The following RAPGEF3 variants were observed in gnomAD, a reference collection of about 807,000 sequenced individuals.
RAPGEF3 encodes Rap guanine nucleotide exchange factor 3, also known as 9330170P05Rik.
Under a neutral mutation model 129.8 loss-of-function variants are expected in RAPGEF3, and 103 were observed. The observed-to-expected ratio is 0.79, with a 90% CI of 0.68 to 0.93. RAPGEF3 has a LOEUF of 0.93. Among genes scored for constraint, RAPGEF3 ranks in the 40% least tolerant of loss-of-function variants. RAPGEF3 has a pLI of 0.00. For synonymous variants in RAPGEF3, 436 were observed against 482.6 expected (o/e 0.90, Z 1.26); for missense variants, 1,117 against 1,207.4 (o/e 0.93, Z 1.11).
chr12:47,750,087 C>T lies in RAPGEF3; in HGVS notation c.757-97G>A, dbSNP rs551497136. On this transcript the variant is annotated intron_variant, in intron 7 of 27. Transcript: ENST00000449771. Reference sequence around the variant, plus strand: ...GTGGTTAGGTCCAAAGACACAAGTGCTGGGGGACAAAGATGTGGCCAGGTC... The same window carrying T: ...GTGGTTAGGTCCAAAGACACAAGTGTTGGGGGACAAAGATGTGGCCAGGTC... 2.0e-5 allele frequency: 29 copies of T among 1,419,004 alleles called. No individual in the cohort carries two copies. In the East Asian group the frequency reaches 6.2e-4, roughly 30 times the overall value. The allele number at this position is 1,419,004 out of a possible 1,614,324, so 87.9% of individuals were successfully genotyped here. A position where few individuals can be genotyped will look rare whatever the true frequency, so the allele number is the denominator to read the frequency against.
intron 23 of RAPGEF3, chr12:47,739,606 A>G (rs182918822): frequency 2.3e-6 from 1 of 436,198 alleles, no homozygotes; most frequent in African/African-American, 2.0e-5. Context: ...CTCCCAGGCT[A>G]TGCTGATGAA....
In RAPGEF3 at chr12:47,746,356, T is replaced by C. The variant is rs1247036917; in HGVS notation, c.1596+504A>G. On this transcript the variant is annotated intron_variant, in intron 16 of 27. Coordinates refer to ENST00000449771, the MANE Select transcript of RAPGEF3 (RefSeq NM_001098531.4). ...TCCCCACCACCAACCTAATCTACCT[T>C]TCCAGTTCTTTCTCCCACCATTCCT... 5 of 407,720 alleles carry C rather than the reference T, an allele frequency of 1.2e-5. No individual in the cohort carries two copies. The East Asian group carries it at 2.9e-4, about 23-fold the overall frequency. 25.3% of individuals were successfully genotyped at this position (407,720 alleles called of 1,614,324 possible).
At chr12:47,751,369 C>T (rs537940596) in intron 5 of RAPGEF3, 30 bp downstream of exon 5, 31 of 1,611,364 alleles carry the variant, frequency 1.9e-5, no homozygotes, top group South Asian at 1.2e-4. Flanking sequence ...CAGCCCAGCC[C>T]GGGGCACCCC....
intron 2 of RAPGEF3, chr12:47,756,577 G>T (rs1410630053): frequency 1.3e-5 from 2 of 152,130 alleles, no homozygotes; most frequent in African/African-American, 2.4e-5. Context: ...GTAGGTCTCA[G>T]TTTTTTCAAC....
At chr12:47,743,907 A>G (rs781713300) in intron 17 of RAPGEF3, 80 bp downstream of exon 17, 33 of 1,475,894 alleles carry the variant, frequency 2.2e-5, no homozygotes, top group Non-Finnish European at 3.0e-5. Context: ...CGAGGTCAAG[A>G]GTGACGACAG....
At chr12:47,739,360 C>G (rs1247616102) in intron 23 of RAPGEF3, 130 bp from the exon 24 acceptor site, 4 of 752,806 alleles carry the variant, frequency 5.3e-6, no homozygotes, top group South Asian at 1.5e-5. Context: ...CTCCTCAGCC[C>G]CAGGTCTCAC....
intron 15 of RAPGEF3, 54 bp from the exon 16 acceptor site, chr12:47,746,953 G>A: frequency 1.3e-6 from 2 of 1,539,282 alleles, no homozygotes; most frequent in Non-Finnish European, 1.8e-6. Flanking sequence ...TGGGGCTGCA[G>A]CAGGGAGGCC....
chr12:47,749,026 G>A lies in RAPGEF3; in HGVS notation c.1042-95C>T. ...TCATTCCAGCCCCTGAGCCCCATGA[G>A]GGTCCCACAGGGACCCACAGCCCTT... On this transcript the variant is annotated intron_variant, in intron 10 of 27. Coordinates refer to ENST00000449771, the MANE Select transcript of RAPGEF3 (RefSeq NM_001098531.4). This position sits in a 1 kb window ranked among gnomAD's most constrained non-coding sequence, Gnocchi z 4.5. 1.9e-6 allele frequency: 2 copies of A among 1,052,402 alleles called. No homozygotes were observed. Among genetic ancestry groups the A allele is most frequent in the South Asian group, 2.8e-5 (2 of 72,578 alleles). 65.2% of individuals were successfully genotyped at this position (1,052,402 alleles called of 1,614,324 possible). A position where few individuals can be genotyped will look rare whatever the true frequency, so the allele number is the denominator to read the frequency against.
In RAPGEF3 at chr12:47,758,058, G is replaced by A; in HGVS notation, c.27C>T (p.Ser9=). 1 of 1,569,524 alleles carries A rather than the reference G, an allele frequency of 6.4e-7. No individual in the cohort carries two copies. The highest frequency in any genetic ancestry group is 8.6e-7 in the Non-Finnish European group (1 of 1,157,118). MKVGWPGE[S]CWQVGLAVED... ...CCACAGCCAGGCCCACCTGCCAGCA[G>A]CTCTCACCTGGCCAGCCCACCTGTG... The change falls in exon 2 of 28, where the codon AGC becomes AGT. Residue 9 remains serine (S), a synonymous_variant. Coordinates refer to ENST00000449771, the MANE Select transcript of RAPGEF3 (RefSeq NM_001098531.4).
rs2136726915 is a variant in RAPGEF3, at chr12:47,738,203, G to A, written c.2571C>T (p.Ser857=). The A allele has an allele frequency of 6.2e-7, 1 of 1,613,844 alleles. No homozygotes were observed. Among genetic ancestry groups the A allele is most frequent in the Non-Finnish European group, 8.5e-7 (1 of 1,180,014 alleles). The change falls in exon 26 of 28, where the codon AGC becomes AGT. Residue 857 remains serine (S), a synonymous_variant. Coordinates refer to ENST00000449771, the MANE Select transcript of RAPGEF3 (RefSeq NM_001098531.4). ...RAARMLHHCR[S]HNPVPLSPLR... Reference sequence around the variant, plus strand: ...GACCCGCCCTCTCACCAGGGTTGTGGCTTCGGCAGTGGTGCAGCATCCGCG... The same window carrying A: ...GACCCGCCCTCTCACCAGGGTTGTGACTTCGGCAGTGGTGCAGCATCCGCG...
intron 2 of RAPGEF3, among the ~76,000 whole-genome samples, chr12:47,756,772 C>T (rs1942083105): frequency 6.6e-6 from 1 of 151,998 alleles, no homozygotes; most frequent in Non-Finnish European, 1.5e-5. Context: ...CGATCAAGAC[C>T]ATCCTGGCCA....
At position 47,749,973 on chromosome 12, in the gene RAPGEF3, C is replaced by T. The variant is rs142901704; in HGVS notation, c.774G>A (p.Ala258=). The part of the protein sequence containing the change: ...HLSNSVKREL[A]AVLLFEPHSK... The stretch of plus-strand genomic sequence containing the variant: ...TGTGTGGTTCAAAGAGCAGAACAGC[C>T]GCTAATTCTCGCTTCACCTGTGTGG... The change falls in exon 8 of 28, where the codon GCG becomes GCA. Residue 258 remains alanine, a synonymous_variant. Coordinates refer to ENST00000449771, the MANE Select transcript of RAPGEF3 (RefSeq NM_001098531.4). This position sits in a 1 kb window ranked among gnomAD's most constrained non-coding sequence, Gnocchi z 4.5. 1.3e-4 allele frequency: 206 copies of T among 1,614,230 alleles called. 1 individual carries two copies. In the African/African-American group the frequency reaches 1.6e-3, roughly 13 times the overall value.
In RAPGEF3 at chr12:47,738,008, CG is replaced by C. The variant is rs2136725363; in HGVS notation, c.2653+13del. The C allele has an allele frequency of 4.6e-6, 4 of 877,540 alleles. No homozygotes were observed. Among genetic ancestry groups the C allele is most frequent in the Non-Finnish European group, 7.1e-6 (4 of 567,368 alleles). The allele number at this position is 877,540 out of a possible 1,614,324, so 54.4% of individuals were successfully genotyped here. On this transcript the variant is annotated intron_variant, in intron 27 of 27. Transcript: ENST00000449771. Reference sequence around the variant, plus strand: ...CACCCCCTCCCTGCCCACCCACCATCGCCCACCACTTACATGTGGAAATCCT... The same window carrying C: ...CACCCCCTCCCTGCCCACCCACCATCCCCACCACTTACATGTGGAAATCCT...
In RAPGEF3 at chr12:47,740,987, G is replaced by T; in HGVS notation, c.1977C>A (p.Asp659Glu). The change falls in exon 20 of 28, where the codon GAC (aspartate) becomes GAA (glutamate). Residue 659 changes from aspartate to glutamate, a missense_variant. Physicochemically the swap from Asp to Glu is conservative, Grantham distance 45 (BLOSUM62 2). Coordinates refer to ENST00000449771, the MANE Select transcript of RAPGEF3 (RefSeq NM_001098531.4). ...GPTVGSAEGL[D>E]LVSAKDLAGQ... The stretch of plus-strand genomic sequence containing the variant: ...CTGCCAGGTCCTTGGCACTCACCAG[G>T]TCCAGCCCCTCAGCAGAGCCCACAG... 6.2e-7 allele frequency: 1 copy of T among 1,613,484 alleles called. No homozygotes were observed. Among genetic ancestry groups the T allele is most frequent in the Non-Finnish European group, 8.5e-7 (1 of 1,179,830 alleles).
intron 19 of RAPGEF3, 27 bp from the exon 20 acceptor site, chr12:47,741,067 C>A (rs1228939698): frequency 1.2e-6 from 2 of 1,608,400 alleles, no homozygotes; most frequent in Non-Finnish European, 1.7e-6. Flanking sequence ...GCTCAGGGGG[C>A]TGCCTGAGGA....
Position 47,758,076 on chromosome 12 carries a change from C to T in RAPGEF3, c.9G>A (p.Val3=), listed in dbSNP as rs2136830621. The T allele has an allele frequency of 6.4e-7, 1 of 1,560,820 alleles. No homozygotes were observed. The change falls in exon 2 of 28, where the codon GTG becomes GTA. Residue 3 remains valine, a splice_region_variant and synonymous_variant. Transcript: ENST00000449771. MK[V]GWPGESCWQV... ...GCCAGCAGCTCTCACCTGGCCAGCC[C>T]ACCTGTGACACGGGGAGGAAAGTGG...
chr12:47,739,448 G>A lies in RAPGEF3; in HGVS notation c.2374-218C>T, dbSNP rs1266797534. 4 of 697,188 alleles carry A rather than the reference G, an allele frequency of 5.7e-6. No homozygotes were observed. The East Asian group carries it at 1.1e-4, about 19-fold the overall frequency. 43.2% of individuals were successfully genotyped at this position (697,188 alleles called of 1,614,324 possible). Reference sequence around the variant, plus strand: ...GAAAATTCACAGCAGTTAGTCACAGGGGCCCCAGGTTTCTTGGAAAAGTCT... The same window carrying A: ...GAAAATTCACAGCAGTTAGTCACAGAGGCCCCAGGTTTCTTGGAAAAGTCT... On this transcript the variant is annotated intron_variant, in intron 23 of 27. Coordinates refer to ENST00000449771, the MANE Select transcript of RAPGEF3 (RefSeq NM_001098531.4).
intron 18 of RAPGEF3, chr12:47,741,845 T>G (rs1177660959): frequency 9.0e-6 from 5 of 552,628 alleles, no homozygotes; most frequent in African/African-American, 1.9e-5. Flanking sequence ...CTGGGCAGGG[T>G]CTGAGCCTCC....
At position 47,740,173 on chromosome 12, in the gene RAPGEF3, G is replaced by C. The variant is rs201845012; in HGVS notation, c.2341C>G (p.Arg781Gly). 15 of 1,613,652 alleles carry C rather than the reference G, an allele frequency of 9.3e-6. No homozygotes were observed. Among genetic ancestry groups the C allele is most frequent in the East Asian group, 8.9e-5 (4 of 44,854 alleles). The change falls in exon 23 of 28, where the codon CGG (arginine) becomes GGG (glycine). Residue 781 changes from arginine to glycine, a missense_variant. Transcript: ENST00000449771. ...HTWERLPHKVRKLYSALERLL... is the reference protein window; with the variant it reads ...HTWERLPHKVGKLYSALERLL... ...CTCTCGAGGGCGGAGTACAGCTTCCGGACTTTGTGAGGCAGCCGCTGTGAA... is the reference window on the plus strand; with the variant it reads ...CTCTCGAGGGCGGAGTACAGCTTCCCGACTTTGTGAGGCAGCCGCTGTGAA...
Sources: gnomAD v4.1 joint callset for allele counts (sites outside exome capture counted in the v4.1 genomes callset) on GRCh38, gnomAD v4.1.1 for gene constraint, Gnocchi (gnomAD v3.1) non-coding constraint, MANE v1.5 for transcripts, NCBI Gene and HGNC (gene_info 2026-07-23, HGNC 2026-07-21) for gene names.